Variants in ADAM12 observed in about 807,000 individuals in gnomAD.
ADAM12 encodes the protein disintegrin and metalloproteinase domain-containing protein 12.
Under a neutral mutation model 106.4 loss-of-function variants are expected in ADAM12, and 70 were observed. The ratio of observed to expected loss-of-function variants is 0.66; its 90% confidence interval spans 0.54 to 0.80. The LOEUF is 0.80. Ranked by LOEUF, ADAM12 falls within the 30% of genes least tolerant of loss-of-function variation. The pLI, the probability that ADAM12 is intolerant of heterozygous loss-of-function variation, is 0.00. For synonymous variants in ADAM12, 420 were observed against 433.5 expected, an observed-to-expected ratio of 0.97 and a Z score of 0.39; for missense variants, 1,010 against 1,171.9, an observed-to-expected ratio of 0.86 and a Z score of 2.02.
intron 2 of ADAM12, among the ~76,000 whole-genome samples, chr10:126,299,283 A>C (rs1960512804): frequency 6.6e-6 from 1 of 152,240 alleles, no homozygotes; most frequent in East Asian, 1.9e-4. Flanking sequence ...GCCTGCCTGG[A>C]ACTTCAGTCA....
intron 3 of ADAM12, among the ~76,000 whole-genome samples, chr10:126,228,528 T>C (rs1182358398): frequency 6.6e-6 from 1 of 152,206 alleles, no homozygotes; most frequent in East Asian, 1.9e-4. Flanking sequence ...AATACTTAAA[T>C]AGAAAACATC....
At chr10:126,084,422 T>A (rs7081892) in intron 11 of ADAM12, among the ~76,000 whole-genome samples, 15,760 of 152,074 alleles carry the variant, frequency 0.1, 1,132 homozygotes, top group African/African-American at 0.2. Context: ...TGAATTTGTG[T>A]GGGGGTTGTT....
chr10:126,315,036 A>C (rs1853808813), intron 2 of ADAM12, among the ~76,000 whole-genome samples: 1 of 152,206 alleles, frequency 6.6e-6, no homozygotes, highest in South Asian at 2.1e-4. Context: ...ATGCCGCTCC[A>C]AGTCACTGCA....
chr10:126,134,268 G>T (rs1250685390), intron 5 of ADAM12, among the ~76,000 whole-genome samples: 3 of 152,222 alleles, frequency 2.0e-5, no homozygotes, highest in African/African-American at 7.2e-5. Context: ...AAATGTGTGT[G>T]TTCACTCAAT....
chr10:126,022,205 C>T (rs1021976589), intron 21 of ADAM12, among the ~76,000 whole-genome samples: 5 of 152,114 alleles, frequency 3.3e-5, no homozygotes, highest in South Asian at 2.1e-4. Context: ...TTATGTTTAT[C>T]GTCCTGTTTA....
intron 1 of ADAM12, among the ~76,000 whole-genome samples, chr10:126,349,376 A>G (rs1184873188): frequency 6.6e-6 from 1 of 152,260 alleles, no homozygotes; most frequent in African/African-American, 2.4e-5. Flanking sequence ...CTGAATTTAT[A>G]TCTTTCTAAC....
chr10:126,203,365 C>T (rs1419980065), intron 3 of ADAM12, among the ~76,000 whole-genome samples: 7 of 152,122 alleles, frequency 4.6e-5, no homozygotes, highest in Admixed American at 2.0e-4. Context: ...TCAGTTGTTA[C>T]TAAAATCATA....
rs10549268 is a variant in ADAM12, at chr10:126,178,408, CTT to C, written c.261-23105_261-23104del. 2.7e-3 allele frequency among the ~76,000 whole-genome samples: 282 copies of C among 103,884 alleles called. 1 individual carries two copies. The highest frequency in any genetic ancestry group is 0.013 in the Middle Eastern group (2 of 156). The allele number at this position is 103,884 out of a possible 152,430, so 68.2% of individuals were successfully genotyped here. ...TACCTTAGTCCTCATTGGAGGACAT[CTT>C]TTTTTTTTTTTTTTTTTTTTTTGGA... is the stretch of plus-strand genomic sequence containing the variant. On this transcript the variant is annotated intron_variant, in intron 3 of 22. Coordinates refer to ENST00000448723, the MANE Select transcript of ADAM12 (RefSeq NM_001288973.2).
At chr10:126,203,035 A>G (rs540487936) in intron 3 of ADAM12, among the ~76,000 whole-genome samples, 10 of 152,366 alleles carry the variant, frequency 6.6e-5, no homozygotes, top group Non-Finnish European at 1.5e-4. Context: ...TTAACTGGAC[A>G]TCTTTTGTGA....
intron 21 of ADAM12, among the ~76,000 whole-genome samples, chr10:126,021,928 C>T (rs939233750): frequency 6.6e-6 from 1 of 152,184 alleles, no homozygotes; most frequent in Non-Finnish European, 1.5e-5. Flanking sequence ...AGCTCCCCTT[C>T]CTATAGATAA....
At chr10:126,322,485 A>G (rs1490293393) in intron 2 of ADAM12, among the ~76,000 whole-genome samples, 3 of 152,208 alleles carry the variant, frequency 2.0e-5, no homozygotes, top group Admixed American at 1.3e-4. Context: ...TGGCGCTGGC[A>G]TCAGTCAGGT....
intron 1 of ADAM12, among the ~76,000 whole-genome samples, chr10:126,368,638 T>A (rs1348157410): frequency 7.0e-6 from 1 of 143,210 alleles, no homozygotes; most frequent in Non-Finnish European, 1.5e-5. Context: ...ATCAGCCTGA[T>A]GTAAGTTTGT....
chr10:126,308,259 T>C (rs1411774933), intron 2 of ADAM12, among the ~76,000 whole-genome samples: 3 of 152,186 alleles, frequency 2.0e-5, no homozygotes, highest in Non-Finnish European at 4.4e-5. Flanking sequence ...AGAAGCGTAC[T>C]CTTTAGCTTT....
At chr10:126,025,924 A>T (rs977586030) in intron 21 of ADAM12, among the ~76,000 whole-genome samples, 1 of 152,236 alleles carries the variant, frequency 6.6e-6, no homozygotes, top group Non-Finnish European at 1.5e-5. Context: ...CAGGTCCCCT[A>T]CAAAGGAAAG....
intron 4 of ADAM12, among the ~76,000 whole-genome samples, chr10:126,146,660 A>C (rs779858707): frequency 2.0e-5 from 3 of 152,104 alleles, no homozygotes; most frequent in African/African-American, 7.2e-5. Context: ...ACCATCCTAT[A>C]ACATCTCCAG....
chr10:126,227,374 C>T (rs1958218282), intron 3 of ADAM12, among the ~76,000 whole-genome samples: 1 of 152,140 alleles, frequency 6.6e-6, no homozygotes, highest in African/African-American at 2.4e-5. Context: ...TTCACTATTG[C>T]CACCATCATC....
At chr10:126,255,281 C>T (rs1214641580) in intron 3 of ADAM12, among the ~76,000 whole-genome samples, 1 of 152,182 alleles carries the variant, frequency 6.6e-6, no homozygotes, top group African/African-American at 2.4e-5. Context: ...GAGAACTGAA[C>T]AGACTCAGGT....
rs965700429 is a variant in ADAM12 at position 126,013,532 on chromosome 10, TTGGGCTTTGGGCATCCCTTGGG to T, written c.*3725_*3746del. On this transcript the variant is annotated 3_prime_UTR_variant, in exon 23 of 23. Transcript: ENST00000448723. This position sits in a 1 kb window ranked among gnomAD's most constrained non-coding sequence, Gnocchi z 4.3. Reference sequence around the variant, plus strand: ...CTCTGGGCTGCAGCCCTGGAGAAGGTTGGGCTTTGGGCATCCCTTGGGTGGGCCTTGTAGGGATAGCCACACA... The same window carrying T: ...CTCTGGGCTGCAGCCCTGGAGAAGGTTGGGCCTTGTAGGGATAGCCACACA... 3.3e-5 allele frequency: 5 copies of T among 152,266 alleles called. No homozygotes were observed. The highest frequency in any genetic ancestry group is 7.3e-5 in the Non-Finnish European group (5 of 68,128). The allele number at this position is 152,266 out of a possible 1,614,324, so 9.4% of individuals were successfully genotyped here.
chr10:126,346,010 T>C (rs991857162), intron 1 of ADAM12, among the ~76,000 whole-genome samples: 2 of 152,226 alleles, frequency 1.3e-5, no homozygotes, highest in Non-Finnish European at 2.9e-5. Context: ...TTTTTGTGTC[T>C]CTGTCTCCTT....
Sources: allele counts gnomAD v4.1 joint callset (sites outside exome capture counted in the v4.1 genomes callset), GRCh38; gene constraint gnomAD v4.1.1; non-coding constraint Gnocchi (gnomAD v3.1); transcripts MANE v1.5; gene names NCBI Gene and HGNC (gene_info 2026-07-23, HGNC 2026-07-21).